The following SARDH variants were observed in gnomAD, a reference collection of about 807,000 sequenced individuals.
SARDH encodes sarcosine dehydrogenase, also known as sarcosine dehydrogenase, mitochondrial.
Under a neutral mutation model 109.1 loss-of-function variants are expected in SARDH, and 95 were observed. The observed-to-expected ratio is 0.87, with a 90% CI of 0.74 to 1.03. The LOEUF is 1.03. Ranked by LOEUF, SARDH falls within the 50% of genes least tolerant of loss-of-function variation. SARDH has a pLI of 0.00. For missense variants in SARDH, 1,267 were observed against 1,287.8 expected, an observed-to-expected ratio of 0.98 and a Z score of 0.25; for synonymous variants, 572 against 534.8, an observed-to-expected ratio of 1.07 and a Z score of -0.96.
chr9:133,674,359 G>A (rs551028062), intron 17 of SARDH, among the ~76,000 whole-genome samples: 2 of 152,336 alleles, frequency 1.3e-5, no homozygotes, highest in East Asian at 1.9e-4. Flanking sequence ...ACATGGTCCC[G>A]GCACGTCGTC....
At position 133,733,897 on chromosome 9, in the gene SARDH, C is replaced by T; in HGVS notation, c.277G>A (p.Ala93Thr). 4 of 1,535,254 alleles carry T rather than the reference C, an allele frequency of 2.6e-6. No homozygotes were observed. The highest frequency in any genetic ancestry group is 3.5e-6 in the Non-Finnish European group (4 of 1,140,742). Residue 93 changes from alanine to threonine, a missense_variant, in exon 2 of 21, where the codon GCG becomes ACG. Ala to Thr is a moderately conservative substitution (Grantham distance 58). Coordinates refer to ENST00000439388, the MANE Select transcript of SARDH (RefSeq NM_001134707.2). ...YHLAKLGMSG[A>T]VLLERERLTS... ...AGCCGCTCCCGCTCCAGCAGCACCG[C>T]CCCACTCATGCCCAGCTTGGCCAGG... is the stretch of plus-strand genomic sequence containing the variant.
intron 7 of SARDH, among the ~76,000 whole-genome samples, chr9:133,717,776 G>T (rs1832182986): frequency 6.6e-6 from 1 of 152,118 alleles, no homozygotes; most frequent in Non-Finnish European, 1.5e-5. Flanking sequence ...GCATGTGCCA[G>T]CCTGCCTACC....
chr9:133,677,659 C>T (rs567800741), intron 17 of SARDH, among the ~76,000 whole-genome samples: 6 of 152,354 alleles, frequency 3.9e-5, no homozygotes, highest in African/African-American at 1.4e-4. Context: ...TTTGTGATAG[C>T]GTGGACCCTG....
chr9:133,665,881 C>T (rs1830047630), intron 20 of SARDH, among the ~76,000 whole-genome samples: 1 of 152,246 alleles, frequency 6.6e-6, no homozygotes, highest in Non-Finnish European at 1.5e-5. Context: ...TGGAGCCAGG[C>T]CAGCACCTCC....
rs1830076051 is a variant in SARDH, at chr9:133,666,666, G to A, written c.2631+69C>T. ...ATGCCCGGCACACTCAGGGTGCAGT[G>A]CAGGGAGCTGGTTTGGAGCTGGTGA... On this transcript the variant is annotated intron_variant, in intron 20 of 20. Transcript: ENST00000439388. This position sits in a 1 kb window ranked among gnomAD's most constrained non-coding sequence, Gnocchi z 5.2. 8 of 1,546,002 alleles carry A rather than the reference G, an allele frequency of 5.2e-6. No individual in the cohort carries two copies. The highest frequency in any genetic ancestry group is 3.6e-5 in the South Asian group (3 of 83,624).
rs534028692 is a variant in SARDH at position 133,694,662 on chromosome 9, C to T, written c.1808-291G>A. 2.6e-5 allele frequency among the ~76,000 whole-genome samples: 4 copies of T among 152,366 alleles called. No homozygotes were observed. In the South Asian group the frequency reaches 8.3e-4, roughly 32 times the overall value. ...ATGCCTTGGCACTGGCCCCTCCCAC[C>T]CATCCACCACCATGCTGAGAAGTTT... On this transcript the variant is annotated intron_variant, in intron 14 of 20. Transcript: ENST00000439388.
intron 17 of SARDH, among the ~76,000 whole-genome samples, chr9:133,680,084 C>A (rs562650949): frequency 1.3e-5 from 2 of 152,234 alleles, no homozygotes; most frequent in Non-Finnish European, 1.5e-5. Context: ...TAAGCCAGCA[C>A]AAGATATTAT....
Position 133,693,564 on chromosome 9 carries a change from G to A in SARDH, c.1921+694C>T, listed in dbSNP as rs949098341. On this transcript the variant is annotated intron_variant, in intron 15 of 20. Coordinates refer to ENST00000439388, the MANE Select transcript of SARDH (RefSeq NM_001134707.2). The surrounding 1 kb of genome is among the most constrained non-coding windows in gnomAD (Gnocchi z 5.6). Reference sequence around the variant, plus strand: ...CCCAGAGGTGGCAATGCCTCTTCCTGGAGAAAGAGAATGTTTCCCTCTCTG... The same window carrying A: ...CCCAGAGGTGGCAATGCCTCTTCCTAGAGAAAGAGAATGTTTCCCTCTCTG... Among the ~76,000 whole-genome samples the A allele has an allele frequency of 6.6e-6, 1 of 152,206 alleles. No individual in the cohort carries two copies. The highest frequency in any genetic ancestry group is 2.4e-5 in the African/African-American group (1 of 41,448).
intron 13 of SARDH, among the ~76,000 whole-genome samples, chr9:133,700,714 A>AGCAC (rs1184953629): frequency 1.4e-5 from 2 of 142,090 alleles, no homozygotes; most frequent in African/African-American, 5.4e-5. Flanking sequence ...CTGTTTTCAA[A>AGCAC]GCACACACAC....
In SARDH at chr9:133,718,761, C is replaced by G. The variant is rs200059736; in HGVS notation, c.1020+177G>C. 2.2e-4 allele frequency: 176 copies of G among 782,478 alleles called. No homozygotes were observed. In the Middle Eastern group the frequency reaches 2.7e-3, roughly 12 times the overall value. The allele number at this position is 782,478 out of a possible 1,614,324, so 48.5% of individuals were successfully genotyped here. A position where few individuals can be genotyped will look rare whatever the true frequency, so the allele number is the denominator to read the frequency against. On this transcript the variant is annotated intron_variant, in intron 7 of 20. Coordinates refer to ENST00000439388, the MANE Select transcript of SARDH (RefSeq NM_001134707.2). This position sits in a 1 kb window ranked among gnomAD's most constrained non-coding sequence, Gnocchi z 4.2. ...CCCTGGGTCTGTATTTGACTGCCTG[C>G]CAGGACCGTCAGGGTAAGAGCAAGA...
intron 17 of SARDH, among the ~76,000 whole-genome samples, chr9:133,672,194 G>T (rs201283063): frequency 1.3e-5 from 2 of 152,126 alleles, no homozygotes; most frequent in Non-Finnish European, 2.9e-5. Flanking sequence ...GCACCACTGC[G>T]ATTTCTGCCT....
At chr9:133,721,283 C>T (rs896016065) in intron 6 of SARDH, among the ~76,000 whole-genome samples, 4 of 152,170 alleles carry the variant, frequency 2.6e-5, no homozygotes, top group African/African-American at 7.2e-5. Context: ...GGGACTGCAT[C>T]GCTGGAGGCT....
rs1460259083 is a variant in SARDH at position 133,670,062 on chromosome 9, C to A, written c.2495+522G>T. 2.0e-5 allele frequency among the ~76,000 whole-genome samples: 3 copies of A among 152,220 alleles called. No individual in the cohort carries two copies. The East Asian group carries it at 5.8e-4, about 29-fold the overall frequency. ...GTTTGAATCCCAGCATGTTGGGATC[C>A]TCACGCTTGTAATCCCAGCACTTTG... On this transcript the variant is annotated intron_variant, in intron 19 of 20. Coordinates refer to ENST00000439388, the MANE Select transcript of SARDH (RefSeq NM_001134707.2).
At chr9:133,674,204 C>A (rs994075348) in intron 17 of SARDH, among the ~76,000 whole-genome samples, 1 of 152,240 alleles carries the variant, frequency 6.6e-6, no homozygotes, top group Non-Finnish European at 1.5e-5. Flanking sequence ...ACAGGCCAAG[C>A]GAGGACATCC....
chr9:133,725,535 G>T, intron 6 of SARDH: 3 of 439,446 alleles, frequency 6.8e-6, no homozygotes, highest in Non-Finnish European at 1.4e-5. Context: ...AATCAGCCGG[G>T]TGTGGTGACG....
intron 14 of SARDH, 23 bp from the exon 15 acceptor site, chr9:133,694,394 G>T: frequency 6.5e-7 from 1 of 1,538,056 alleles, no homozygotes; most frequent in South Asian, 1.2e-5. Flanking sequence ...GAAGGAAGCC[G>T]GGTCTGTGCT....
At chr9:133,665,298 G>A (rs972754881) in intron 20 of SARDH, among the ~76,000 whole-genome samples, 2 of 152,186 alleles carry the variant, frequency 1.3e-5, no homozygotes, top group East Asian at 3.9e-4. Flanking sequence ...TGAAGAAATG[G>A]CAAAGGAGCC....
rs1164000088 is a variant in SARDH, at chr9:133,718,569, G to A, written c.1020+369C>T. On this transcript the variant is annotated intron_variant, in intron 7 of 20. Transcript: ENST00000439388. The surrounding 1 kb of genome is among the most constrained non-coding windows in gnomAD (Gnocchi z 4.2). ...GCTGCCCTAACCCCAGAAGCTGCCC[G>A]GGAAACAGCCCAGGCCAGGGGAAAT... 1.8e-5 allele frequency: 13 copies of A among 736,808 alleles called. No homozygotes were observed. The highest frequency in any genetic ancestry group is 2.8e-5 in the Non-Finnish European group (11 of 399,610). The allele number at this position is 736,808 out of a possible 1,614,324, so 45.6% of individuals were successfully genotyped here. A position where few individuals can be genotyped will look rare whatever the true frequency, so the allele number is the denominator to read the frequency against.
chr9:133,662,935 C>G (rs920573554), downstream of SARDH, among the ~76,000 whole-genome samples: 2 of 152,208 alleles, frequency 1.3e-5, no homozygotes, highest in African/African-American at 4.8e-5. The surrounding 1 kb of genome is among the most constrained non-coding windows in gnomAD (Gnocchi z 5.1). Flanking sequence ...AGAGCTGCTT[C>G]TGACACACAG....
Sources: allele counts gnomAD v4.1 joint callset (sites outside exome capture counted in the v4.1 genomes callset), GRCh38; gene constraint gnomAD v4.1.1; non-coding constraint Gnocchi (gnomAD v3.1); transcripts MANE v1.5; gene names NCBI Gene and HGNC (gene_info 2026-07-23, HGNC 2026-07-21).